PAICS: variants seen among roughly 807,000 people sequenced by gnomAD.
PAICS encodes bifunctional phosphoribosylaminoimidazole carboxylase/phosphoribosylaminoimidazole succinocarboxamide synthetase.
A neutral mutation model predicts 53.7 loss-of-function variants in PAICS; 33 were observed. The ratio of observed to expected loss-of-function variants is 0.61; its 90% CI spans 0.47 to 0.82. The LOEUF (loss-of-function observed/expected upper bound fraction) is 0.82, where lower values mean the gene tolerates loss of function less well. Among genes scored for constraint, PAICS ranks in the 40% least tolerant of loss-of-function variants. The probability of loss-of-function intolerance (pLI) is 0.00; values close to 1 mark genes in which losing one functional copy is unlikely to be tolerated. For synonymous variants in PAICS, 141 were observed against 167.2 expected, an observed-to-expected ratio of 0.84 and a Z score of 1.21; for missense variants, 394 against 494.1, an observed-to-expected ratio of 0.80 and a Z score of 1.92.
intron 6 of PAICS, among the ~76,000 whole-genome samples, chr4:56,451,589 T>C (rs1341775025): frequency 6.6e-6 from 1 of 152,214 alleles, no homozygotes; most frequent in Non-Finnish European, 1.5e-5. Context: ...ATATTTTGTA[T>C]TATAATTTCC....
the PAICS span, chr4:56,410,899 TAAAAAAAAAAAAAA>T: frequency 1.7e-4 from 116 of 678,304 alleles, no homozygotes; most frequent in South Asian, 3.7e-4. Context: ...CCACTGAAGG[TAAAAAAAAAAAAAA>T]AAAAAAAAAA....
chr4:56,432,457 C>T (rs1358790138), upstream of PAICS, among the ~76,000 whole-genome samples: 3 of 143,420 alleles, frequency 2.1e-5, no homozygotes, highest in Non-Finnish European at 3.0e-5. Context: ...ACTTGGGAAA[C>T]GGAGGTTGCA....
the PAICS span, chr4:56,416,422 C>T: frequency 1.2e-6 from 1 of 801,666 alleles, no homozygotes; most frequent in Non-Finnish European, 1.5e-6. Context: ...TTTCTCATGT[C>T]AGACCAATGG....
intron 8 of PAICS, among the ~76,000 whole-genome samples, chr4:56,455,125 T>C (rs545965187): frequency 1.3e-5 from 2 of 152,232 alleles, no homozygotes; most frequent in African/African-American, 2.4e-5. Flanking sequence ...GATTCCAAAC[T>C]GGGCAACAGA....
At chr4:56,410,682 G>A in the PAICS span, 1 of 986,444 alleles carries the variant, frequency 1.0e-6, no homozygotes, top group Non-Finnish European at 1.2e-6. Context: ...TACAGAGACT[G>A]GAAACAGTGC....
At chr4:56,416,381 G>C in the PAICS span, 1 of 904,992 alleles carries the variant, frequency 1.1e-6, no homozygotes, top group Non-Finnish European at 1.3e-6. Context: ...AGTAGATAAG[G>C]AAGATGTCTC....
At chr4:56,439,651 T>G (rs1458388969) in intron 1 of PAICS, among the ~76,000 whole-genome samples, 2 of 152,150 alleles carry the variant, frequency 1.3e-5, no homozygotes, top group Non-Finnish European at 2.9e-5. Context: ...GACATTTCTT[T>G]TTCTTTTCCT....
chr4:56,416,027 A>G, the PAICS span, among the ~76,000 whole-genome samples: 151,198 of 151,226 alleles, frequency 1, 75,585 homozygotes, highest in Middle Eastern at 1. Context: ...CCGAGATCAC[A>G]CCACTGCACT....
chr4:56,444,510 A>G (rs1718501476), intron 2 of PAICS, among the ~76,000 whole-genome samples: 1 of 152,188 alleles, frequency 6.6e-6, no homozygotes. Context: ...ATTAGCTAGA[A>G]TTACTATTCT....
rs185492092 is a variant in PAICS at position 56,460,530 on chromosome 4, C to T, written c.*992C>T. The T allele has an allele frequency of 1.3e-5, 2 of 152,352 alleles. No individual in the cohort carries two copies. Among genetic ancestry groups the T allele is most frequent in the Non-Finnish European group, 2.9e-5 (2 of 68,046 alleles). The allele number at this position is 152,352 out of a possible 1,614,324, so 9.4% of individuals were successfully genotyped here. The stretch of plus-strand genomic sequence containing the variant: ...AAGTTGATTGCCCAAGGACTTCTAA[C>T]AATAAACTCTCTTTTGCACCACAGA... On this transcript the variant is annotated 3_prime_UTR_variant, in exon 9 of 9. Transcript: ENST00000512576.
rs1426205123 is a variant in PAICS at position 56,453,591 on chromosome 4, T to C, written c.953-12T>C. 6.4e-7 allele frequency: 1 copy of C among 1,572,558 alleles called. No homozygotes were observed. Among genetic ancestry groups the C allele is most frequent in the Admixed American group, 1.8e-5 (1 of 56,340 alleles). On this transcript the variant is annotated splice_polypyrimidine_tract_variant and intron_variant, in intron 7 of 8. Transcript: ENST00000512576. ...AATGTTTAGCATAATTATACTCTTG[T>C]CATTTCCCTAGGGGATGGCATTCCT...
the PAICS span, among the ~76,000 whole-genome samples, chr4:56,412,029 G>A: frequency 3.3e-5 from 5 of 152,024 alleles, no homozygotes; most frequent in Admixed American, 1.3e-4. Flanking sequence ...AAACACCTTC[G>A]ACTCTTCATT....
Position 56,448,528 on chromosome 4 carries a change from T to C in PAICS, c.504T>C (p.Ala168=), listed in dbSNP as rs775976662. The change falls in exon 4 of 9, where the codon GCT becomes GCC. Residue 168 remains alanine, a synonymous_variant. Transcript: ENST00000512576. ...GQTEVDIMSH[A]TQAIFEILEK... is the part of the protein sequence containing the mutation. ...CTGAAGTGGATATCATGAGTCATGC[T>C]ACACAGGCTATATTTGAAATACTGG... 10 of 1,612,112 alleles carry C rather than the reference T, an allele frequency of 6.2e-6. No homozygotes were observed. The highest frequency in any genetic ancestry group is 1.1e-5 in the South Asian group (1 of 90,852).
intron 1 of PAICS, among the ~76,000 whole-genome samples, chr4:56,438,823 C>T (rs993260131): frequency 8.5e-5 from 13 of 152,178 alleles, no homozygotes; most frequent in African/African-American, 3.1e-4. Context: ...TTTTTTATAT[C>T]GAATGCAGTA....
the PAICS span, among the ~76,000 whole-genome samples, chr4:56,415,832 T>TTTGGGAGGCCGAGGATCACCTGAGG: frequency 6.6e-6 from 1 of 152,156 alleles, no homozygotes; most frequent in African/African-American, 2.4e-5. Flanking sequence ...ATCCCAGCAC[T>TTTGGGAGGCCGAGGATCACCTGAGG]TTGGGAGGCC....
intron 8 of PAICS, among the ~76,000 whole-genome samples, chr4:56,457,472 T>C (rs916908457): frequency 2.0e-5 from 3 of 152,014 alleles, no homozygotes; most frequent in African/African-American, 7.2e-5. Flanking sequence ...GTTACTCAGG[T>C]AGATGGAGTG....
Position 56,463,078 on chromosome 4 carries a change from G to A in PAICS, c.*3540G>A, listed in dbSNP as rs1560668872. On this transcript the variant is annotated 3_prime_UTR_variant, in exon 9 of 9. Transcript: ENST00000512576. ...ATTTAATTTCTAATATGAAGAAAGG[G>A]GCAGTGTGATGTGCCACGGAGCATC... The A allele has an allele frequency of 6.6e-6, 1 of 152,036 alleles. No individual in the cohort carries two copies. Among genetic ancestry groups the A allele is most frequent in the African/African-American group, 2.4e-5 (1 of 41,400 alleles). 9.4% of individuals were successfully genotyped at this position (152,036 alleles called of 1,614,324 possible). A position where few individuals can be genotyped will look rare whatever the true frequency, so the allele number is the denominator to read the frequency against.
Position 56,441,779 on chromosome 4 carries a change from G to C in PAICS, c.133G>C (p.Ala45Pro). 1 of 1,603,714 alleles carries C rather than the reference G, an allele frequency of 6.2e-7. No homozygotes were observed. Residue 45 changes from alanine to proline, a missense_variant, in exon 2 of 9, where the codon GCT becomes CCT. Coordinates refer to ENST00000512576, the MANE Select transcript of PAICS (RefSeq NM_001079524.2). ...GGACCAGATTACAGCAGGAAATGCAGCTAGAAAAAACCACCTGGAAGGAAA... is the reference window on the plus strand; with the variant it reads ...GGACCAGATTACAGCAGGAAATGCACCTAGAAAAAACCACCTGGAAGGAAA... ...SKDQITAGNA[A>P]RKNHLEGKAA...
At position 56,438,371 on chromosome 4, in the gene PAICS, TTATATATATATATA is replaced by T. The variant is rs61681463; in HGVS notation, c.16+2062_16+2075del. 3.7e-3 allele frequency among the ~76,000 whole-genome samples: 417 copies of T among 113,672 alleles called. 3 individuals are homozygous for T. The highest frequency in any genetic ancestry group is 0.011 in the African/African-American group (355 of 33,158). 74.6% of individuals were successfully genotyped at this position (113,672 alleles called of 152,430 possible). On this transcript the variant is annotated intron_variant, in intron 1 of 8. Coordinates refer to ENST00000512576, the MANE Select transcript of PAICS (RefSeq NM_001079524.2). ...AATAAAAAAAACTGGTGCAATGTGTTTATATATATATATATATATATATATATATATAAAAGGTT... is the reference window on the plus strand; with the variant it reads ...AATAAAAAAAACTGGTGCAATGTGTTTATATATATATATATATAAAAGGTT...
Sources: allele counts gnomAD v4.1 joint callset (sites outside exome capture counted in the v4.1 genomes callset), GRCh38; gene constraint gnomAD v4.1.1; transcripts MANE v1.5; gene names NCBI Gene and HGNC (gene_info 2026-07-23, HGNC 2026-07-21).